Variants in GABRB2 observed in about 807,000 individuals in gnomAD.
GABRB2 encodes gamma-aminobutyric acid receptor subunit beta-2.
GABRB2 carries 16 observed loss-of-function variants against 54.7 expected under a neutral mutation model. The observed-to-expected ratio is 0.29, with a 90% CI of 0.20 to 0.44. The LOEUF is 0.44. Among genes scored for constraint, GABRB2 ranks in the 20% least tolerant of loss-of-function variants. The pLI, the probability that GABRB2 is intolerant of heterozygous loss-of-function variation, is 1.00. For synonymous variants in GABRB2, 244 were observed against 233.8 expected (o/e 1.04, Z -0.40); for missense variants, 355 against 644.0 (o/e 0.55, Z 4.86).
At chr5:161,336,916 C>G in intron 5 of GABRB2, 147 bp from the exon 6 acceptor site, 5 of 822,284 alleles carry the variant, frequency 6.1e-6, no homozygotes, top group African/African-American at 1.7e-5. Flanking sequence ...TGTTTGGTAT[C>G]ATACTAAACA....
chr5:161,356,984 A>C (rs1244053013), intron 5 of GABRB2, among the ~76,000 whole-genome samples: 3 of 152,232 alleles, frequency 2.0e-5, no homozygotes, highest in Non-Finnish European at 4.4e-5. Flanking sequence ...AAACAAAAAC[A>C]AAAACCACAG....
At chr5:161,432,566 A>C (rs1413684645) in intron 4 of GABRB2, among the ~76,000 whole-genome samples, 1 of 152,234 alleles carries the variant, frequency 6.6e-6, no homozygotes, top group Non-Finnish European at 1.5e-5. Context: ...AGTCTAATTT[A>C]GCAATATGTC....
At chr5:161,490,284 T>A (rs1759060880) in intron 3 of GABRB2, among the ~76,000 whole-genome samples, 1 of 151,334 alleles carries the variant, frequency 6.6e-6, no homozygotes, top group Non-Finnish European at 1.5e-5. Context: ...TAAACATAAA[T>A]CTCCACAATA....
intron 4 of GABRB2, among the ~76,000 whole-genome samples, chr5:161,414,820 T>A (rs1422881031): frequency 2.6e-5 from 4 of 151,910 alleles, no homozygotes; most frequent in Non-Finnish European, 5.9e-5. Context: ...AAGCTAAGGA[T>A]TTTGATGCAA....
At chr5:161,485,270 T>C (rs1167653146) in intron 3 of GABRB2, among the ~76,000 whole-genome samples, 1 of 151,982 alleles carries the variant, frequency 6.6e-6, no homozygotes, top group African/African-American at 2.4e-5. Flanking sequence ...TAATAAGCCA[T>C]TGTAATTTCT....
At chr5:161,328,394 A>G in intron 8 of GABRB2, among the ~76,000 whole-genome samples, 1 of 152,154 alleles carries the variant, frequency 6.6e-6, no homozygotes, top group East Asian at 1.9e-4. Flanking sequence ...TGTATTGAGG[A>G]CTATATTACC....
intron 3 of GABRB2, among the ~76,000 whole-genome samples, chr5:161,499,316 A>G (rs1759356536): frequency 6.6e-6 from 1 of 152,196 alleles, no homozygotes; most frequent in Non-Finnish European, 1.5e-5. Flanking sequence ...GAGCAATAAT[A>G]AGTAGCAAAC....
At chr5:161,538,699 C>G (rs578090202) in intron 3 of GABRB2, among the ~76,000 whole-genome samples, 46 of 152,202 alleles carry the variant, frequency 3.0e-4, no homozygotes, top group African/African-American at 1.1e-3. Flanking sequence ...TGGCACGTGC[C>G]TGTAGTCCCA....
intron 4 of GABRB2, among the ~76,000 whole-genome samples, chr5:161,419,579 C>T (rs754731707): frequency 1.2e-4 from 18 of 152,270 alleles, no homozygotes; most frequent in Admixed American, 2.6e-4. Flanking sequence ...CAACAAATGA[C>T]TGGATAAGGA....
intron 5 of GABRB2, among the ~76,000 whole-genome samples, chr5:161,394,959 A>G (rs915278247): frequency 6.6e-6 from 1 of 152,186 alleles, no homozygotes; most frequent in Non-Finnish European, 1.5e-5. Flanking sequence ...CTTCAACAAA[A>G]TAATAGAATA....
chr5:161,361,378 T>G (rs1340722262), intron 5 of GABRB2, among the ~76,000 whole-genome samples: 1 of 152,158 alleles, frequency 6.6e-6, no homozygotes, highest in Non-Finnish European at 1.5e-5. Context: ...AATCCTTATC[T>G]TTTGGTGTTA....
chr5:161,358,223 G>A (rs1347730086), intron 5 of GABRB2, among the ~76,000 whole-genome samples: 1 of 152,142 alleles, frequency 6.6e-6, no homozygotes, highest in Non-Finnish European at 1.5e-5. Flanking sequence ...AGGAGTGGAG[G>A]CTAAGGAACA....
intron 5 of GABRB2, among the ~76,000 whole-genome samples, chr5:161,350,738 G>A (rs1289296104): frequency 6.6e-6 from 1 of 152,090 alleles, no homozygotes; most frequent in Admixed American, 6.6e-5. Context: ...CAGGATAAAA[G>A]CAGGCAGAGG....
intron 7 of GABRB2, among the ~76,000 whole-genome samples, chr5:161,334,375 A>G (rs1753932246): frequency 6.6e-6 from 1 of 152,202 alleles, no homozygotes; most frequent in Non-Finnish European, 1.5e-5. Flanking sequence ...TGCTACACAC[A>G]ACATCTTCTT....
intron 5 of GABRB2, among the ~76,000 whole-genome samples, chr5:161,404,827 C>T (rs1468600476): frequency 6.6e-6 from 1 of 152,102 alleles, no homozygotes; most frequent in Non-Finnish European, 1.5e-5. Context: ...CAGGGCCTGC[C>T]TAGTTGTCCT....
chr5:161,304,381 A>G (rs546030932), intron 9 of GABRB2, among the ~76,000 whole-genome samples: 1 of 152,362 alleles, frequency 6.6e-6, no homozygotes, highest in East Asian at 1.9e-4. Context: ...CAGAGGGATG[A>G]AGGTTAAGAA....
At chr5:161,538,301 C>A (rs770193512) in intron 3 of GABRB2, among the ~76,000 whole-genome samples, 1 of 152,092 alleles carries the variant, frequency 6.6e-6, no homozygotes, top group African/African-American at 2.4e-5. Flanking sequence ...ATAACCTTGT[C>A]GTGATGTAAT....
intron 8 of GABRB2, chr5:161,327,116 AGC>A: frequency 3.3e-6 from 1 of 299,834 alleles, no homozygotes; most frequent in Non-Finnish European, 4.9e-6. Flanking sequence ...AGACTCTCCT[AGC>A]ATTAGAATAA....
intron 4 of GABRB2, among the ~76,000 whole-genome samples, chr5:161,452,708 T>G (rs1444996627): frequency 1.3e-5 from 2 of 152,056 alleles, no homozygotes; most frequent in Non-Finnish European, 2.9e-5. Flanking sequence ...TTTTTTTAAT[T>G]GTAGGCCAAG....
Sources: allele counts gnomAD v4.1 joint callset (sites outside exome capture counted in the v4.1 genomes callset), GRCh38; gene constraint gnomAD v4.1.1; transcripts MANE v1.5; gene names NCBI Gene and HGNC (gene_info 2026-07-23, HGNC 2026-07-21).